The following MARCHF3 variants were observed in gnomAD, a reference collection of about 807,000 sequenced individuals.
MARCHF3 encodes the protein E3 ubiquitin-protein ligase MARCHF3.
A neutral mutation model predicts 24.2 loss-of-function variants in MARCHF3; 13 were observed. The ratio of observed to expected loss-of-function variants is 0.54; its 90% CI spans 0.35 to 0.85. MARCHF3 has a LOEUF of 0.85. MARCHF3 is among the 40% of genes least tolerant of loss of function. MARCHF3 has a pLI of 0.01. For synonymous variants in MARCHF3, 144 were observed against 137.3 expected, an observed-to-expected ratio of 1.05 and a Z score of -0.34; for missense variants, 276 against 325.0, an observed-to-expected ratio of 0.85 and a Z score of 1.16.
chr5:126,885,870 C>CT lies in MARCHF3; in HGVS notation c.394-7477dup, dbSNP rs1313013402. ...GAAAAACCTGTAGTTTCGATTCAAA[C>CT]TTTTTTTCCTAAGATGTAAGTAACC... On this transcript the variant is annotated intron_variant, in intron 3 of 4. Coordinates refer to ENST00000308660, the MANE Select transcript of MARCHF3 (RefSeq NM_178450.5). Among the ~76,000 whole-genome samples, 2 of 152,050 alleles carry CT rather than the reference C, an allele frequency of 1.3e-5. 1 individual carries two copies. Among genetic ancestry groups the CT allele is most frequent in the South Asian group, 4.2e-4 (2 of 4,818 alleles).
intron 3 of MARCHF3, among the ~76,000 whole-genome samples, chr5:126,896,155 G>T (rs1391860762): frequency 6.6e-6 from 1 of 152,126 alleles, no homozygotes; most frequent in East Asian, 1.9e-4. Context: ...GCAATGCCTC[G>T]CCCTACTTCG....
chr5:126,910,120 G>A (rs1754465906), intron 3 of MARCHF3, among the ~76,000 whole-genome samples: 1 of 152,124 alleles, frequency 6.6e-6, no homozygotes, highest in African/African-American at 2.4e-5. Flanking sequence ...CTGATTAGAG[G>A]AAAAAATCAG....
Position 126,918,110 on chromosome 5 carries a change from G to A in MARCHF3, c.62C>T (p.Ala21Val), listed in dbSNP as rs1368839447. The A allele has an allele frequency of 6.2e-7, 1 of 1,614,206 alleles. No individual in the cohort carries two copies. Among genetic ancestry groups the A allele is most frequent in the South Asian group, 1.1e-5 (1 of 91,086 alleles). The change falls in exon 2 of 5, where the codon GCA (alanine) becomes GTA (valine). Residue 21 changes from alanine (A) to valine (V), a missense_variant. By Grantham distance (64) the Ala-to-Val change is moderately conservative. Transcript: ENST00000308660. ...ATCCTCCACCGTCTTCACCACGGGT[G>A]CAGCTGAGCTGGTGCAGTCTGGCAG... The part of the protein sequence containing the change: ...EVLPDCTSSA[A>V]PVVKTVEDCG...
chr5:126,895,529 C>A (rs1407324429), intron 3 of MARCHF3, among the ~76,000 whole-genome samples: 1 of 152,080 alleles, frequency 6.6e-6, no homozygotes, highest in Non-Finnish European at 1.5e-5. Context: ...TTCCTTCTGA[C>A]AGACAGGACC....
At chr5:126,899,011 T>A (rs555897523) in intron 3 of MARCHF3, 1 of 985,302 alleles carries the variant, frequency 1.0e-6, no homozygotes, top group African/African-American at 1.7e-5. Context: ...CTCTTTCGTG[T>A]TTTACAAGCA....
At chr5:126,977,076 C>T (rs1418370402) in intron 1 of MARCHF3, among the ~76,000 whole-genome samples, 2 of 152,222 alleles carry the variant, frequency 1.3e-5, no homozygotes, top group Non-Finnish European at 2.9e-5. Flanking sequence ...CCAACATAAT[C>T]AGCACGTACA....
chr5:126,892,864 G>A (rs1372060520), intron 3 of MARCHF3, among the ~76,000 whole-genome samples: 1 of 151,476 alleles, frequency 6.6e-6, no homozygotes, highest in East Asian at 1.9e-4. Flanking sequence ...AGAAGGAATG[G>A]TACCAGTTCC....
intron 1 of MARCHF3, among the ~76,000 whole-genome samples, chr5:126,970,474 CT>C (rs528502923): frequency 1.8e-3 from 254 of 145,102 alleles, no homozygotes; most frequent in African/African-American, 4.0e-3. Context: ...TACTTTTTTT[CT>C]TTTTTTTTTT....
chr5:126,978,867 T>C (rs1343160070), intron 1 of MARCHF3, among the ~76,000 whole-genome samples: 1 of 152,208 alleles, frequency 6.6e-6, no homozygotes, highest in Non-Finnish European at 1.5e-5. Flanking sequence ...ATCCCTGGAA[T>C]GTTATGCAAA....
In MARCHF3 at chr5:126,947,621, A is replaced by T. The variant is rs73786208; in HGVS notation, c.-56-29394T>A. Among the ~76,000 whole-genome samples the T allele has an allele frequency of 8.9e-3, 1,353 of 152,312 alleles. 21 individuals carry two copies. Among genetic ancestry groups the T allele is most frequent in the East Asian group, 0.026 (133 of 5,182 alleles). ...GGATGGTGATAATGGCAAAGGCCGTACGTGTGCACAGGGGCATGGGGAAGA... is the reference window on the plus strand; with the variant it reads ...GGATGGTGATAATGGCAAAGGCCGTTCGTGTGCACAGGGGCATGGGGAAGA... On this transcript the variant is annotated intron_variant, in intron 1 of 4. Coordinates refer to ENST00000308660, the MANE Select transcript of MARCHF3 (RefSeq NM_178450.5).
intron 3 of MARCHF3, among the ~76,000 whole-genome samples, chr5:126,891,241 C>T (rs1056813375): frequency 2.4e-4 from 36 of 151,858 alleles, no homozygotes; most frequent in African/African-American, 8.0e-4. Flanking sequence ...TGTAGGTTAC[C>T]TGTTCACTCT....
chr5:126,874,368 A>G (rs748697107), intron 4 of MARCHF3, among the ~76,000 whole-genome samples: 1 of 152,118 alleles, frequency 6.6e-6, no homozygotes, highest in Non-Finnish European at 1.5e-5. Flanking sequence ...CAGGCAGATC[A>G]CCTGAGGTTG....
intron 1 of MARCHF3, among the ~76,000 whole-genome samples, chr5:126,984,369 G>T (rs1038080788): frequency 6.6e-6 from 1 of 152,162 alleles, no homozygotes; most frequent in Non-Finnish European, 1.5e-5. Flanking sequence ...ATGTGGAAGG[G>T]AGTAAGGAAA....
intron 1 of MARCHF3, among the ~76,000 whole-genome samples, chr5:127,027,463 G>A (rs1753037848): frequency 6.6e-6 from 1 of 152,164 alleles, no homozygotes; most frequent in Non-Finnish European, 1.5e-5. Flanking sequence ...CTTGCAGGAG[G>A]AAATGCTCAA....
intron 1 of MARCHF3, among the ~76,000 whole-genome samples, chr5:126,964,949 T>C (rs751549003): frequency 3.4e-5 from 5 of 148,116 alleles, no homozygotes; most frequent in Non-Finnish European, 7.4e-5. Context: ...TTGAGAAAGA[T>C]AGGGCTTATT....
At chr5:126,903,967 C>T (rs1420126223) in intron 3 of MARCHF3, among the ~76,000 whole-genome samples, 1 of 123,388 alleles carries the variant, frequency 8.1e-6, no homozygotes, top group East Asian at 3.0e-4. Flanking sequence ...TCCCCCCTCC[C>T]CCCACCCCAC....
chr5:127,024,050 C>T (rs1752914414), intron 1 of MARCHF3, among the ~76,000 whole-genome samples: 1 of 151,970 alleles, frequency 6.6e-6, no homozygotes, highest in African/African-American at 2.4e-5. Context: ...GGTATGGGAA[C>T]AAAAGAGAAA....
At chr5:126,917,867 C>A in intron 2 of MARCHF3, 117 bp downstream of exon 2, 2 of 993,518 alleles carry the variant, frequency 2.0e-6, no homozygotes, top group South Asian at 2.1e-5. Flanking sequence ...TTTTCCAGCA[C>A]CTCCTCTCAC....
intron 4 of MARCHF3, among the ~76,000 whole-genome samples, chr5:126,874,775 G>C (rs1753092192): frequency 6.6e-6 from 1 of 152,164 alleles, no homozygotes; most frequent in Non-Finnish European, 1.5e-5. Context: ...AGGAGTATAG[G>C]AGTGAATTGG....
Sources: gnomAD v4.1 joint callset for allele counts (sites outside exome capture counted in the v4.1 genomes callset) on GRCh38, gnomAD v4.1.1 for gene constraint, MANE v1.5 for transcripts, NCBI Gene and HGNC (gene_info 2026-07-23, HGNC 2026-07-21) for gene names.